The following NCLN variants were observed in gnomAD, a reference collection of about 807,000 sequenced individuals.
NCLN encodes BOS complex subunit NCLN.
NCLN carries 34 observed loss-of-function variants against 69.5 expected under a neutral mutation model. That is an observed-to-expected ratio of 0.49 (90% CI 0.37 to 0.65). The LOEUF is 0.65. NCLN is among the 30% of genes least tolerant of loss of function. The pLI, the probability that NCLN is intolerant of heterozygous loss-of-function variation, is 0.00. For synonymous variants in NCLN, 393 were observed against 358.3 expected (o/e 1.10, Z -1.09); for missense variants, 710 against 804.8 (o/e 0.88, Z 1.42).
intron 6 of NCLN, among the ~76,000 whole-genome samples, chr19:3,202,587 GC>G (rs1330745592): frequency 1.3e-5 from 2 of 152,176 alleles, no homozygotes; most frequent in Admixed American, 6.5e-5. Context: ...GGCCACTGTG[GC>G]TGAGACGTTT....
chr19:3,186,208 C>G lies in NCLN; in HGVS notation c.178C>G (p.Pro60Ala). The part of the protein sequence containing the change: ...RMQQYDLQGQ[P>A]YGTRNAVLNT... ...GCAGCAGTACGACCTGCAGGGCCAG[C>G]CCTACGGTGCGTGTCCCCGGCCCAC... is the stretch of plus-strand genomic sequence containing the variant. Residue 60 changes from proline to alanine, a missense_variant, in exon 1 of 15, where the codon CCC becomes GCC. Physicochemically the swap from Pro to Ala is conservative, Grantham distance 27. Transcript: ENST00000246117. 1 of 1,537,346 alleles carries G rather than the reference C, an allele frequency of 6.5e-7. No homozygotes were observed. Among genetic ancestry groups the G allele is most frequent in the Non-Finnish European group, 8.7e-7 (1 of 1,144,680 alleles).
chr19:3,207,294 G>A lies in NCLN; in HGVS notation c.1553+43G>A, dbSNP rs751296968. On this transcript the variant is annotated intron_variant, in intron 13 of 14. Transcript: ENST00000246117. The stretch of plus-strand genomic sequence containing the variant: ...GGACCTGGAGCCCTTCACCCCCTAC[G>A]GGTTACAGCCGAGGGGACTGCGGCC... 6.2e-6 allele frequency: 10 copies of A among 1,613,130 alleles called. No homozygotes were observed. The East Asian group carries it at 1.3e-4, about 22-fold the overall frequency.
chr19:3,203,775 G>T lies in NCLN; in HGVS notation c.820G>T (p.Ala274Ser). 1 of 1,613,060 alleles carries T rather than the reference G, an allele frequency of 6.2e-7. No individual in the cohort carries two copies. The highest frequency in any genetic ancestry group is 8.5e-7 in the Non-Finnish European group (1 of 1,179,768). ...TCCCAGCTACAACCTCCTGTTCTTT[G>T]CGTCTGGAGGAGGCAAGTTTAACTA... is the stretch of plus-strand genomic sequence containing the variant. The part of the protein sequence containing the change: ...THAAYNLLFF[A>S]SGGGKFNYQG... Residue 274 changes from alanine (A) to serine (S), a missense_variant, in exon 7 of 15, where the codon GCG becomes TCG. Ala to Ser is a moderately conservative substitution (Grantham distance 99, BLOSUM62 1). Coordinates refer to ENST00000246117, the MANE Select transcript of NCLN (RefSeq NM_020170.4).
intron 1 of NCLN, among the ~76,000 whole-genome samples, chr19:3,191,209 G>T (rs1207667758): frequency 6.6e-6 from 1 of 152,138 alleles, no homozygotes. Flanking sequence ...GGACCCCTGA[G>T]CTGCGTCTTG....
At chr19:3,190,798 C>T (rs1222021611) in intron 1 of NCLN, among the ~76,000 whole-genome samples, 3 of 152,116 alleles carry the variant, frequency 2.0e-5, no homozygotes, top group Middle Eastern at 3.2e-3. Context: ...GCGGGCTTTG[C>T]GTGGCATTCT....
At chr19:3,189,473 G>C (rs374527956) in intron 1 of NCLN, among the ~76,000 whole-genome samples, 4 of 152,348 alleles carry the variant, frequency 2.6e-5, no homozygotes, top group Non-Finnish European at 1.5e-5. Context: ...GCTGAGCCCA[G>C]TGATTGTGCC....
At chr19:3,192,088 T>C (rs1915840341) in intron 1 of NCLN, among the ~76,000 whole-genome samples, 2 of 152,144 alleles carry the variant, frequency 1.3e-5, no homozygotes, top group South Asian at 4.1e-4. Context: ...CTCGGGAGGC[T>C]GCGGCAGGAG....
At chr19:3,198,103 G>C (rs1005985949) in intron 4 of NCLN, among the ~76,000 whole-genome samples, 2 of 152,224 alleles carry the variant, frequency 1.3e-5, no homozygotes, top group African/African-American at 2.4e-5. Context: ...GTAAGAGGCA[G>C]GGAGGGGTGC....
chr19:3,206,087 C>A, intron 10 of NCLN, 61 bp downstream of exon 10: 2 of 1,578,040 alleles, frequency 1.3e-6, no homozygotes, highest in Non-Finnish European at 1.7e-6. Context: ...GGCCCCGGCC[C>A]CACCCCTGGC....
At position 3,199,282 on chromosome 19, in the gene NCLN, G is replaced by A. The variant is rs1445605188; in HGVS notation, c.696+385G>A. Among the ~76,000 whole-genome samples, 4 of 152,246 alleles carry A rather than the reference G, an allele frequency of 2.6e-5. No homozygotes were observed. The South Asian group carries it at 6.2e-4, about 24-fold the overall frequency. On this transcript the variant is annotated intron_variant, in intron 5 of 14. Transcript: ENST00000246117. ...AGTCCGCGAAGGGAAAGGCGCGTGC[G>A]GTGAGTTGGGGAGGCCAGTCCTGGC...
chr19:3,190,981 A>G (rs1915806664), intron 1 of NCLN, among the ~76,000 whole-genome samples: 1 of 151,654 alleles, frequency 6.6e-6, no homozygotes, highest in Admixed American at 6.6e-5. Flanking sequence ...GGGTCTTTCC[A>G]GGGCAACTCA....
chr19:3,205,797 T>C lies in NCLN; in HGVS notation c.1209-142T>C, dbSNP rs893811596. 2 of 799,752 alleles carry C rather than the reference T, an allele frequency of 2.5e-6. No individual in the cohort carries two copies. Among genetic ancestry groups the C allele is most frequent in the Non-Finnish European group, 4.0e-6 (2 of 494,682 alleles). The allele number at this position is 799,752 out of a possible 1,614,324, so 49.5% of individuals were successfully genotyped here. A position where few individuals can be genotyped will look rare whatever the true frequency, so the allele number is the denominator to read the frequency against. On this transcript the variant is annotated intron_variant, in intron 9 of 14. Transcript: ENST00000246117. This position sits in a 1 kb window ranked among gnomAD's most constrained non-coding sequence, Gnocchi z 4.6. ...CTGCATCTACATGTTAGCCAAGTAG[T>C]TAAAGCTAAGCTTAATTTTTTTTTT...
intron 1 of NCLN, among the ~76,000 whole-genome samples, chr19:3,190,940 G>A (rs1424098490): frequency 6.6e-6 from 1 of 152,166 alleles, no homozygotes. Flanking sequence ...CTGAACGTGG[G>A]TGGCCCTTTT....
Position 3,203,985 on chromosome 19 carries a change from C to A in NCLN, c.890-20C>A. 1 of 1,553,014 alleles carries A rather than the reference C, an allele frequency of 6.4e-7. No homozygotes were observed. On this transcript the variant is annotated intron_variant, in intron 7 of 14. Coordinates refer to ENST00000246117, the MANE Select transcript of NCLN (RefSeq NM_020170.4). ...ACTTCCTGGTCCCCACCCACCCCGC[C>A]AGCTCTCGGTGTCCTGCAGACTCCA...
Position 3,191,050 on chromosome 19 carries a change from G to A in NCLN, c.185-1420G>A, listed in dbSNP as rs532845369. ...AGATCGTCGTGGTGCGTGGCGGGCA[G>A]CAGGGAGATCGTCGCGGTGTGTGGC... On this transcript the variant is annotated intron_variant, in intron 1 of 14. Coordinates refer to ENST00000246117, the MANE Select transcript of NCLN (RefSeq NM_020170.4). 6.2e-5 allele frequency among the ~76,000 whole-genome samples: 9 copies of A among 145,974 alleles called. 1 individual carries two copies. In the South Asian group the frequency reaches 1.1e-3, roughly 18 times the overall value.
At chr19:3,188,047 C>T (rs1363037099) in intron 1 of NCLN, among the ~76,000 whole-genome samples, 2 of 152,108 alleles carry the variant, frequency 1.3e-5, no homozygotes, top group Non-Finnish European at 2.9e-5. Flanking sequence ...CGCAAGTAGC[C>T]ACGCGTGCCT....
chr19:3,201,716 T>G, intron 6 of NCLN, 90 bp downstream of exon 6: 1 of 1,109,956 alleles, frequency 9.0e-7, no homozygotes, highest in South Asian at 1.5e-5. Flanking sequence ...GATGTTTCTC[T>G]GGAGCCTCCT....
In NCLN at chr19:3,206,171, C is replaced by T. The variant is rs368102612; in HGVS notation, c.1316C>T (p.Pro439Leu). 102 of 1,248,326 alleles carry T rather than the reference C, an allele frequency of 8.2e-5. No homozygotes were observed. The highest frequency in any genetic ancestry group is 9.7e-5 in the Non-Finnish European group (94 of 970,872). The allele number at this position is 1,248,326 out of a possible 1,614,324, so 77.3% of individuals were successfully genotyped here. A position where few individuals can be genotyped will look rare whatever the true frequency, so the allele number is the denominator to read the frequency against. ...LTEKGTPPDM[P>L]VFTEQMQIQQ... Reference sequence around the variant, plus strand: ...CCGCAGGGGACACCCCCAGACATGCCGGTGTTCACAGAGCAGATGGTAAGG... The same window carrying T: ...CCGCAGGGGACACCCCCAGACATGCTGGTGTTCACAGAGCAGATGGTAAGG... Residue 439 changes from proline (P) to leucine (L), a missense_variant, in exon 11 of 15, where the codon CCG becomes CTG. By Grantham distance (98) the Pro-to-Leu change is moderately conservative. Coordinates refer to ENST00000246117, the MANE Select transcript of NCLN (RefSeq NM_020170.4).
intron 6 of NCLN, among the ~76,000 whole-genome samples, chr19:3,202,793 C>A (rs1000266701): frequency 1.3e-5 from 2 of 152,126 alleles, no homozygotes; most frequent in Non-Finnish European, 2.9e-5. Flanking sequence ...CCCCAGCCCC[C>A]CACTGATGCC....
Sources: gnomAD v4.1 joint callset for allele counts (sites outside exome capture counted in the v4.1 genomes callset) on GRCh38, gnomAD v4.1.1 for gene constraint, Gnocchi (gnomAD v3.1) non-coding constraint, MANE v1.5 for transcripts, NCBI Gene and HGNC (gene_info 2026-07-23, HGNC 2026-07-21) for gene names.